The following ANKS1B variants were observed in gnomAD, a reference collection of about 807,000 sequenced individuals.
The protein encoded by ANKS1B is ankyrin repeat and sterile alpha motif domain containing 1B.
ANKS1B carries 36 observed loss-of-function variants against 148.3 expected under a neutral mutation model. The observed-to-expected ratio is 0.24, with a 90% CI of 0.19 to 0.32. The LOEUF (loss-of-function observed/expected upper bound fraction) is 0.32, where lower values mean the gene tolerates loss of function less well. Among genes scored for constraint, ANKS1B ranks in the 10% least tolerant of loss-of-function variants. The pLI is 1.00. For synonymous variants in ANKS1B, 542 were observed against 560.8 expected, an observed-to-expected ratio of 0.97 and a Z score of 0.47; for missense variants, 1,157 against 1,542.6, an observed-to-expected ratio of 0.75 and a Z score of 4.19.
chr12:99,910,661 A>T (rs2093975925), intron 1 of ANKS1B, among the ~76,000 whole-genome samples: 1 of 152,200 alleles, frequency 6.6e-6, no homozygotes, highest in African/African-American at 2.4e-5. Flanking sequence ...TTAATATATT[A>T]AAAACCATCC....
intron 8 of ANKS1B, among the ~76,000 whole-genome samples, chr12:99,682,191 A>T (rs1243649670): frequency 1.3e-5 from 2 of 152,196 alleles, no homozygotes; most frequent in African/African-American, 4.8e-5. Flanking sequence ...TGACAGCACT[A>T]GACAGGTCAT....
chr12:98,974,848 T>C (rs1042179968), intron 17 of ANKS1B, among the ~76,000 whole-genome samples: 8 of 151,780 alleles, frequency 5.3e-5, no homozygotes, highest in African/African-American at 1.9e-4. Context: ...TTCTTCCAGC[T>C]TTCCCTCCCT....
intron 11 of ANKS1B, among the ~76,000 whole-genome samples, chr12:99,435,506 T>C (rs1014142449): frequency 1.3e-5 from 2 of 151,992 alleles, no homozygotes; most frequent in African/African-American, 4.8e-5. Context: ...CTTATTTCAA[T>C]TGTAGGCAAA....
chr12:98,877,228 A>T (rs1201192158), intron 17 of ANKS1B, among the ~76,000 whole-genome samples: 1 of 152,234 alleles, frequency 6.6e-6, no homozygotes, highest in African/African-American at 2.4e-5. Flanking sequence ...GAGACAGGGC[A>T]GTGTCAATGG....
At chr12:99,686,319 C>T (rs553930815) in intron 8 of ANKS1B, among the ~76,000 whole-genome samples, 1 of 152,194 alleles carries the variant, frequency 6.6e-6, no homozygotes, top group African/African-American at 2.4e-5. Flanking sequence ...TTATAGGCAG[C>T]CAGCTTTTCA....
intron 12 of ANKS1B, among the ~76,000 whole-genome samples, chr12:99,297,905 C>CT (rs112109742): frequency 0.022 from 3,261 of 147,574 alleles, 41 homozygotes; most frequent in African/African-American, 0.025. Context: ...GCTTAGATAC[C>CT]TTTTTTTTTT....
intron 15 of ANKS1B, among the ~76,000 whole-genome samples, chr12:99,148,483 T>C (rs73373848): frequency 0.018 from 2,811 of 152,132 alleles, 84 homozygotes; most frequent in African/African-American, 0.064. Flanking sequence ...ATTTCTGACT[T>C]TCTGCTGCAC....
intron 15 of ANKS1B, among the ~76,000 whole-genome samples, chr12:99,116,050 A>G (rs1452234382): frequency 3.9e-5 from 6 of 152,108 alleles, no homozygotes; most frequent in Admixed American, 6.5e-5. Flanking sequence ...CTGTCCTTCA[A>G]TTTCCTCATC....
intron 11 of ANKS1B, among the ~76,000 whole-genome samples, chr12:99,409,728 G>A (rs2094628277): frequency 6.6e-6 from 1 of 151,004 alleles, no homozygotes; most frequent in Non-Finnish European, 1.5e-5. Flanking sequence ...ATAAAGAGAT[G>A]GTCATAATAT....
downstream of ANKS1B, among the ~76,000 whole-genome samples, chr12:98,740,233 G>T (rs1017259724): frequency 6.6e-6 from 1 of 152,032 alleles, no homozygotes; most frequent in African/African-American, 2.4e-5. Context: ...TCTCCTCAAG[G>T]ATTCACTTCC....
chr12:99,448,242 A>G (rs2095668039), intron 10 of ANKS1B, among the ~76,000 whole-genome samples: 2 of 152,128 alleles, frequency 1.3e-5, no homozygotes, highest in South Asian at 4.1e-4. Flanking sequence ...AATGTAATAT[A>G]TACATACAGT....
At chr12:99,034,438 C>G (rs970257713) in intron 17 of ANKS1B, among the ~76,000 whole-genome samples, 3 of 152,166 alleles carry the variant, frequency 2.0e-5, no homozygotes, top group Non-Finnish European at 4.4e-5. Context: ...ACCTCAGCCT[C>G]CTGAGTAGCT....
chr12:99,039,185 A>G (rs1476180323), intron 17 of ANKS1B, among the ~76,000 whole-genome samples: 1 of 152,238 alleles, frequency 6.6e-6, no homozygotes, highest in African/African-American at 2.4e-5. Flanking sequence ...ACAAAGATAT[A>G]TAGAGTGTGG....
At chr12:99,117,431 C>T (rs1037513787) in intron 15 of ANKS1B, among the ~76,000 whole-genome samples, 1 of 152,080 alleles carries the variant, frequency 6.6e-6, no homozygotes, top group Non-Finnish European at 1.5e-5. Flanking sequence ...TGTTGAAGGC[C>T]TTTTCTGTAC....
At chr12:99,866,228 GC>G (rs2090739624) in intron 1 of ANKS1B, among the ~76,000 whole-genome samples, 2 of 152,050 alleles carry the variant, frequency 1.3e-5, no homozygotes, top group Admixed American at 1.3e-4. Context: ...AGGAATTAAA[GC>G]CATTTTGCCT....
intron 11 of ANKS1B, among the ~76,000 whole-genome samples, chr12:99,416,442 AT>A (rs1467322622): frequency 6.6e-6 from 1 of 152,206 alleles, no homozygotes; most frequent in African/African-American, 2.4e-5. Context: ...GTTTTCCAAA[AT>A]TGCTGTACAA....
chr12:99,960,515 G>A (rs2095395350), intron 1 of ANKS1B, among the ~76,000 whole-genome samples: 1 of 152,186 alleles, frequency 6.6e-6, no homozygotes, highest in Admixed American at 6.5e-5. Flanking sequence ...CAGCTGAGTT[G>A]AGAAGGGAAA....
At chr12:99,903,306 G>T (rs933854670) in intron 1 of ANKS1B, among the ~76,000 whole-genome samples, 4 of 152,102 alleles carry the variant, frequency 2.6e-5, no homozygotes, top group Admixed American at 6.5e-5. Flanking sequence ...TGTGGTGATT[G>T]GTCCATCACT....
intron 11 of ANKS1B, among the ~76,000 whole-genome samples, chr12:99,409,180 A>C (rs879799750): frequency 3.3e-5 from 5 of 152,246 alleles, no homozygotes; most frequent in Non-Finnish European, 7.3e-5. Flanking sequence ...AAAAAGAATG[A>C]GATCCTGTCA....
Sources: allele counts gnomAD v4.1 joint callset (sites outside exome capture counted in the v4.1 genomes callset), GRCh38; gene constraint gnomAD v4.1.1; transcripts MANE v1.5; gene names NCBI Gene and HGNC (gene_info 2026-07-23, HGNC 2026-07-21).